Variants in TAFA2 observed in about 807,000 individuals in gnomAD.
The protein encoded by TAFA2 is chemokine-like protein TAFA-2.
TAFA2 carries 7 observed loss-of-function variants against 18.8 expected under a neutral mutation model. The ratio of observed to expected loss-of-function variants is 0.37; its 90% CI spans 0.21 to 0.70. The LOEUF (loss-of-function observed/expected upper bound fraction) is 0.70, where lower values mean the gene tolerates loss of function less well. TAFA2 is among the 30% of genes least tolerant of loss of function. The pLI is 0.53. For missense variants in TAFA2, 122 were observed against 158.1 expected, an observed-to-expected ratio of 0.77 and a Z score of 1.23; for synonymous variants, 60 against 54.2, an observed-to-expected ratio of 1.11 and a Z score of -0.47.
intron 4 of TAFA2, among the ~76,000 whole-genome samples, chr12:61,724,787 G>GTATACACAAGA (rs1555196539): frequency 1.1e-5 from 1 of 87,398 alleles, no homozygotes; most frequent in African/African-American, 4.7e-5. Flanking sequence ...GTGTGTGTGT[G>GTATACACAAGA]TGTGTGTGTG....
intron 1 of TAFA2, among the ~76,000 whole-genome samples, chr12:61,976,564 G>A (rs1879442349): frequency 6.6e-6 from 1 of 151,722 alleles, no homozygotes; most frequent in African/African-American, 2.4e-5. Context: ...TATACTTTAA[G>A]TTCTAGGGTA....
chr12:61,848,904 C>T (rs1873521472), intron 2 of TAFA2, among the ~76,000 whole-genome samples: 2 of 150,140 alleles, frequency 1.3e-5, no homozygotes, highest in Non-Finnish European at 3.0e-5. Flanking sequence ...TGCAGTGGCA[C>T]GTTCTCAGCT....
chr12:61,799,127 T>C (rs745586367), intron 2 of TAFA2, among the ~76,000 whole-genome samples: 1 of 152,200 alleles, frequency 6.6e-6, no homozygotes, highest in African/African-American at 2.4e-5. Flanking sequence ...AAAATGTAGT[T>C]TTTACTTTTA....
chr12:62,040,765 C>T (rs1265644562), intron 1 of TAFA2, among the ~76,000 whole-genome samples: 2 of 152,072 alleles, frequency 1.3e-5, no homozygotes, highest in East Asian at 3.9e-4. Context: ...GAAGTACCCA[C>T]GAATGACACT....
intron 2 of TAFA2, among the ~76,000 whole-genome samples, chr12:61,840,115 G>A (rs1873111908): frequency 6.6e-6 from 1 of 152,072 alleles, no homozygotes; most frequent in African/African-American, 2.4e-5. Context: ...GTAGGTCCTT[G>A]CTGTCTTTAG....
intron 1 of TAFA2, among the ~76,000 whole-genome samples, chr12:61,889,614 A>G (rs371369175): frequency 2.0e-5 from 3 of 152,250 alleles, no homozygotes; most frequent in African/African-American, 7.2e-5. Flanking sequence ...TGCCAAAATC[A>G]GCAAACTTTT....
chr12:61,799,691 T>A (rs111375434), intron 2 of TAFA2, among the ~76,000 whole-genome samples: 1 of 151,954 alleles, frequency 6.6e-6, no homozygotes, highest in East Asian at 1.9e-4. Context: ...GCGTGGTGGC[T>A]GGCGCCTGTA....
At chr12:62,242,005 CCTCTTTCCT>C (rs1318736279) in intron 1 of TAFA2, among the ~76,000 whole-genome samples, 3 of 152,086 alleles carry the variant, frequency 2.0e-5, no homozygotes, top group Non-Finnish European at 4.4e-5. Context: ...AAAGCCTTCC[CCTCTTTCCT>C]CTCTTTAACT....
intron 1 of TAFA2, among the ~76,000 whole-genome samples, chr12:62,000,467 T>C (rs1880342948): frequency 6.8e-6 from 1 of 146,312 alleles, no homozygotes; most frequent in African/African-American, 2.5e-5. Context: ...GTTACACCAG[T>C]ATTGGAAAAG....
chr12:61,987,723 G>T (rs947499085), intron 1 of TAFA2, among the ~76,000 whole-genome samples: 4 of 152,190 alleles, frequency 2.6e-5, no homozygotes, highest in Non-Finnish European at 5.9e-5. Context: ...CAAATTGGCA[G>T]AATTGGTAAA....
intron 2 of TAFA2, among the ~76,000 whole-genome samples, chr12:61,857,263 C>T (rs750235314): frequency 6.6e-5 from 10 of 151,634 alleles, no homozygotes; most frequent in East Asian, 1.9e-4. Flanking sequence ...ATAATAGAAA[C>T]GAAAATACTT....
chr12:61,983,214 C>T, intron 1 of TAFA2, among the ~76,000 whole-genome samples: 1 of 152,088 alleles, frequency 6.6e-6, no homozygotes, highest in East Asian at 1.9e-4. Context: ...CTCCATAAAT[C>T]CACTCTCTCA....
intron 1 of TAFA2, among the ~76,000 whole-genome samples, chr12:61,976,876 G>A (rs1879455630): frequency 6.6e-6 from 1 of 152,042 alleles, no homozygotes; most frequent in African/African-American, 2.4e-5. Flanking sequence ...TGGCTGCATA[G>A]TATTCCATGT....
chr12:62,085,390 A>G (rs1868409363), intron 1 of TAFA2, among the ~76,000 whole-genome samples: 1 of 152,192 alleles, frequency 6.6e-6, no homozygotes, highest in Non-Finnish European at 1.5e-5. Flanking sequence ...TAGGAGTATA[A>G]CTTGTAGACC....
intron 1 of TAFA2, among the ~76,000 whole-genome samples, chr12:62,101,382 G>A (rs968348944): frequency 6.6e-6 from 1 of 151,532 alleles, no homozygotes; most frequent in African/African-American, 2.4e-5. Context: ...TGTCCAGTAC[G>A]AATTTGGACT....
chr12:62,144,585 T>C (rs529783420), intron 1 of TAFA2, among the ~76,000 whole-genome samples: 1 of 152,228 alleles, frequency 6.6e-6, no homozygotes, highest in Non-Finnish European at 1.5e-5. Flanking sequence ...AGAGCAACTC[T>C]ACTGATTTGC....
chr12:62,166,821 G>A (rs1037611086), intron 1 of TAFA2, among the ~76,000 whole-genome samples: 4 of 152,010 alleles, frequency 2.6e-5, no homozygotes, highest in African/African-American at 7.2e-5. Flanking sequence ...AATTCCAATC[G>A]TGACACAGCT....
intron 1 of TAFA2, among the ~76,000 whole-genome samples, chr12:61,897,986 A>T (rs950664581): frequency 3.3e-5 from 5 of 152,240 alleles, no homozygotes; most frequent in African/African-American, 9.6e-5. Flanking sequence ...AAATGCTCTC[A>T]TTCCAAATGG....
In TAFA2 at chr12:61,757,389, G is replaced by C. The variant is rs576009583; in HGVS notation, c.107-2365C>G. On this transcript the variant is annotated intron_variant, in intron 2 of 4. Coordinates refer to ENST00000416284, the MANE Select transcript of TAFA2 (RefSeq NM_178539.5). The stretch of plus-strand genomic sequence containing the variant: ...TGATGGATAGAGAAGGCCTAGGAAA[G>C]AGGAATTTGTCAGAAGATGGATGAG... Among the ~76,000 whole-genome samples the C allele has an allele frequency of 9.2e-5, 14 of 152,190 alleles. No homozygotes were observed. The South Asian group carries it at 2.9e-3, about 32-fold the overall frequency.
Sources: gnomAD v4.1 joint callset for allele counts (sites outside exome capture counted in the v4.1 genomes callset) on GRCh38, gnomAD v4.1.1 for gene constraint, MANE v1.5 for transcripts, NCBI Gene and HGNC (gene_info 2026-07-23, HGNC 2026-07-21) for gene names.